BCAP29: variants seen among roughly 807,000 people sequenced by gnomAD.
The protein encoded by BCAP29 is B cell receptor associated protein 29.
BCAP29 carries 34 observed loss-of-function variants against 31.8 expected under a neutral mutation model. The observed-to-expected ratio is 1.07, with a 90% CI of 0.81 to 1.42. The LOEUF is 1.42. Ranked by LOEUF, BCAP29 falls within the 40% of genes most tolerant of loss-of-function variation. The pLI is 0.00. For synonymous variants in BCAP29, 104 were observed against 91.3 expected, an observed-to-expected ratio of 1.14 and a Z score of -0.79; for missense variants, 314 against 269.2, an observed-to-expected ratio of 1.17 and a Z score of -1.16.
At chr7:107,583,448 G>T (rs886300716) in intron 2 of BCAP29, among the ~76,000 whole-genome samples, 1 of 152,042 alleles carries the variant, frequency 6.6e-6, no homozygotes, top group Non-Finnish European at 1.5e-5. Context: ...CGTTAAAATT[G>T]TACTATATAA....
At position 107,593,972 on chromosome 7, in the gene BCAP29, A is replaced by G. The variant is rs756293437; in HGVS notation, c.211A>G (p.Arg71Gly). 6.2e-7 allele frequency: 1 copy of G among 1,610,834 alleles called. No individual in the cohort carries two copies. The highest frequency in any genetic ancestry group is 8.5e-7 in the Non-Finnish European group (1 of 1,179,086). The change falls in exon 4 of 8, where the codon AGG becomes GGG. Residue 71 changes from arginine (R) to glycine (G), a missense_variant. Physicochemically the swap from Arg to Gly is moderately radical, Grantham distance 125. Transcript: ENST00000005259. The stretch of plus-strand genomic sequence containing the variant: ...TGTAATAGATGCTGTGAGAGAAGTA[A>G]GGAAATATTCCTCAGTTCATACCAT... ...VLFLDAVREVRKYSSVHTIEK... is the reference protein window; with the variant it reads ...VLFLDAVREVGKYSSVHTIEK...
At chr7:107,612,391 T>TTTTATATA (rs1430473654) in intron 6 of BCAP29, among the ~76,000 whole-genome samples, 8 of 30,874 alleles carry the variant, frequency 2.6e-4, no homozygotes, top group South Asian at 1.5e-3. Context: ...ATGTATTGTT[T>TTTTATATA]TATATATATA....
intron 3 of BCAP29, among the ~76,000 whole-genome samples, chr7:107,586,082 G>A (rs539169739): frequency 6.6e-6 from 1 of 152,274 alleles, no homozygotes; most frequent in East Asian, 1.9e-4. Flanking sequence ...CCCAAGAAAG[G>A]AAGGAAGCCA....
intron 4 of BCAP29, among the ~76,000 whole-genome samples, chr7:107,595,025 T>C (rs1402156522): frequency 6.6e-6 from 1 of 152,170 alleles, no homozygotes; most frequent in Non-Finnish European, 1.5e-5. Context: ...GCAACAGATA[T>C]TGATTGAGTT....
chr7:107,605,116 G>T (rs1280609991), intron 6 of BCAP29, among the ~76,000 whole-genome samples: 1 of 152,118 alleles, frequency 6.6e-6, no homozygotes, highest in African/African-American at 2.4e-5. Flanking sequence ...CCATTTAGTT[G>T]TGATGTTTCC....
chr7:107,612,121 A>G (rs1485196827), intron 6 of BCAP29, among the ~76,000 whole-genome samples: 1 of 151,970 alleles, frequency 6.6e-6, no homozygotes, highest in East Asian at 1.9e-4. Flanking sequence ...CTATAATTTT[A>G]TTTCATTGTG....
intron 3 of BCAP29, chr7:107,587,375 T>G (rs983948793): frequency 1.3e-5 from 2 of 152,252 alleles, no homozygotes; most frequent in African/African-American, 4.8e-5. Flanking sequence ...CCATTGACAT[T>G]AATAAACCTT....
chr7:107,618,602 TTGATA>T lies in BCAP29; in HGVS notation c.*240_*244del. 6.4e-7 allele frequency: 1 copy of T among 1,574,678 alleles called. No individual in the cohort carries two copies. Among genetic ancestry groups the T allele is most frequent in the Non-Finnish European group, 8.7e-7 (1 of 1,152,626 alleles). On this transcript the variant is annotated 3_prime_UTR_variant, in exon 8 of 8. Coordinates refer to ENST00000005259, the MANE Select transcript of BCAP29 (RefSeq NM_018844.4). ...GCATGTTAAATACCATATTTACATA[TTGATA>T]ATGTCATTGGTATATGGTGGCTGTT...
intron 6 of BCAP29, 130 bp from the exon 7 acceptor site, chr7:107,613,202 C>T (rs967587285): frequency 1.6e-6 from 1 of 626,152 alleles, no homozygotes; most frequent in Non-Finnish European, 2.7e-6. Context: ...AATATGATAA[C>T]AAATGTAGCA....
At chr7:107,612,589 C>T (rs762035068) in intron 6 of BCAP29, among the ~76,000 whole-genome samples, 5 of 151,500 alleles carry the variant, frequency 3.3e-5, no homozygotes, top group Admixed American at 6.6e-5. Context: ...CTATATATTG[C>T]TGCTTTAGTT....
chr7:107,580,986 A>C, intron 2 of BCAP29, 122 bp downstream of exon 2: 2 of 590,664 alleles, frequency 3.4e-6, no homozygotes, highest in South Asian at 2.5e-5. Context: ...CTAACGAATT[A>C]GGTAGTATAT....
intron 2 of BCAP29, among the ~76,000 whole-genome samples, chr7:107,582,454 G>T (rs1456160839): frequency 1.3e-5 from 2 of 152,106 alleles, no homozygotes; most frequent in African/African-American, 4.8e-5. Flanking sequence ...AATCTTTAAA[G>T]AAAATATTTC....
At chr7:107,606,326 T>C (rs1440353224) in intron 6 of BCAP29, among the ~76,000 whole-genome samples, 3 of 152,228 alleles carry the variant, frequency 2.0e-5, no homozygotes, top group East Asian at 1.9e-4. Context: ...CTCCAAATAA[T>C]GTAATTAAGC....
At chr7:107,583,446 T>C (rs954850014) in intron 2 of BCAP29, among the ~76,000 whole-genome samples, 1 of 152,124 alleles carries the variant, frequency 6.6e-6, no homozygotes, top group South Asian at 2.1e-4. Context: ...TACGTTAAAA[T>C]TGTACTATAT....
In BCAP29 at chr7:107,583,299, T is replaced by TA. The variant is rs542358674; in HGVS notation, c.93-583_93-582insA. On this transcript the variant is annotated intron_variant, in intron 2 of 7. Coordinates refer to ENST00000005259, the MANE Select transcript of BCAP29 (RefSeq NM_018844.4). ...TCTTTATCTGTAGTAATTACATGGT[T>TA]TTATATATATATATATAGTGTGTGT... is the stretch of plus-strand genomic sequence containing the variant. Among the ~76,000 whole-genome samples the TA allele has an allele frequency of 8.7e-3, 1,313 of 151,416 alleles. 11 individuals carry two copies. Among genetic ancestry groups the TA allele is most frequent in the African/African-American group, 0.029 (1,196 of 40,860 alleles).
chr7:107,580,039 G>A (rs961292911), upstream of BCAP29: 18 of 152,446 alleles, frequency 1.2e-4, no homozygotes, highest in Admixed American at 1.0e-3. Context: ...CTGTCCTCCT[G>A]AAGAAGTTGC....
At chr7:107,589,173 T>G (rs10281535) in intron 3 of BCAP29, among the ~76,000 whole-genome samples, 109,480 of 152,124 alleles carry the variant, frequency 0.72, 39,441 homozygotes, top group South Asian at 0.84. Flanking sequence ...GTCCCCACCC[T>G]TTTTGGCACC....
At chr7:107,608,200 TAAAA>T (rs58620528) in intron 6 of BCAP29, among the ~76,000 whole-genome samples, 6,648 of 144,872 alleles carry the variant, frequency 0.046, 169 homozygotes, top group Middle Eastern at 0.073. Flanking sequence ...ATGAGTGGAT[TAAAA>T]AAAAAAAAAT....
rs1554480152 is a variant in BCAP29, at chr7:107,612,437, A to ATTTATT, written c.590-894_590-893insTTATTT. On this transcript the variant is annotated intron_variant, in intron 6 of 7. Transcript: ENST00000005259. ...TATATATATATATATATATATATAT[A>ATTTATT]TATTTATTTTACTTCTATCTAAGGC... 8.0e-3 allele frequency among the ~76,000 whole-genome samples: 905 copies of ATTTATT among 113,142 alleles called. 65 individuals are homozygous for ATTTATT. Among genetic ancestry groups the ATTTATT allele is most frequent in the African/African-American group, 0.028 (750 of 26,716 alleles). 74.2% of individuals were successfully genotyped at this position (113,142 alleles called of 152,430 possible).
Sources: gnomAD v4.1 joint callset for allele counts (sites outside exome capture counted in the v4.1 genomes callset) on GRCh38, gnomAD v4.1.1 for gene constraint, MANE v1.5 for transcripts, NCBI Gene and HGNC (gene_info 2026-07-23, HGNC 2026-07-21) for gene names.